The following GRAMD1C variants were observed in gnomAD, a reference collection of about 807,000 sequenced individuals.
The protein encoded by GRAMD1C is protein Aster-C.
In GRAMD1C, 89 loss-of-function variants were observed where a neutral mutation model predicts 97.8. That is an observed-to-expected ratio of 0.91 (90% CI 0.77 to 1.09). GRAMD1C has a LOEUF of 1.09. GRAMD1C is among the 50% of genes least tolerant of loss of function. The pLI is 0.00. For missense variants in GRAMD1C, 740 were observed against 766.4 expected, an observed-to-expected ratio of 0.97 and a Z score of 0.41; for synonymous variants, 256 against 267.0, an observed-to-expected ratio of 0.96 and a Z score of 0.40.
At chr3:113,942,030 C>A (rs181026950) in intron 17 of GRAMD1C, among the ~76,000 whole-genome samples, 2 of 151,778 alleles carry the variant, frequency 1.3e-5, no homozygotes, top group Non-Finnish European at 1.5e-5. Context: ...AACCTCCCAC[C>A]TCACCCTCCC....
chr3:113,944,913 G>T (rs766766255), intron 17 of GRAMD1C, among the ~76,000 whole-genome samples: 2 of 152,200 alleles, frequency 1.3e-5, no homozygotes, highest in Non-Finnish European at 2.9e-5. Flanking sequence ...ACAAAATTCA[G>T]TGTCAAAGTG....
intron 2 of GRAMD1C, among the ~76,000 whole-genome samples, chr3:113,855,774 G>C (rs1369169728): frequency 6.6e-6 from 1 of 152,080 alleles, no homozygotes; most frequent in South Asian, 2.1e-4. Flanking sequence ...CTCTGGAGAA[G>C]ATGTTAGTAA....
At position 113,885,962 on chromosome 3, in the gene GRAMD1C, T is replaced by G; in HGVS notation, c.540+3130T>G. On this transcript the variant is annotated intron_variant, in intron 6 of 17. Transcript: ENST00000358160. Reference sequence around the variant, plus strand: ...TTCTCAACCTGCTCCCGATGCTGGATGCCCTCAGGTTCACCGCTGACGTTC... The same window carrying G: ...TTCTCAACCTGCTCCCGATGCTGGAGGCCCTCAGGTTCACCGCTGACGTTC... 5 of 1,604,782 alleles carry G rather than the reference T, an allele frequency of 3.1e-6. No homozygotes were observed. In the South Asian group the frequency reaches 5.5e-5, roughly 18 times the overall value.
At chr3:113,870,069 G>A (rs1344133011) in intron 3 of GRAMD1C, among the ~76,000 whole-genome samples, 1 of 152,134 alleles carries the variant, frequency 6.6e-6, no homozygotes, top group Non-Finnish European at 1.5e-5. Context: ...CATGGAGATA[G>A]AGTAGAATGA....
intron 6 of GRAMD1C, among the ~76,000 whole-genome samples, chr3:113,892,697 A>G (rs1457155373): frequency 2.6e-5 from 4 of 152,182 alleles, no homozygotes; most frequent in African/African-American, 7.2e-5. Flanking sequence ...AGAGCATTGA[A>G]TATCTGGGAT....
intron 10 of GRAMD1C, among the ~76,000 whole-genome samples, chr3:113,922,377 CT>C (rs1346104571): frequency 6.6e-6 from 1 of 152,234 alleles, no homozygotes; most frequent in Non-Finnish European, 1.5e-5. Context: ...CCAGTCATTC[CT>C]AAATTTTCTT....
intron 4 of GRAMD1C, 109 bp from the exon 5 acceptor site, chr3:113,876,056 A>G (rs1935016708): frequency 1.6e-6 from 1 of 628,810 alleles, no homozygotes; most frequent in East Asian, 2.7e-5. Context: ...AACCTGAAGA[A>G]TATTCAACTG....
chr3:113,897,824 A>T (rs1180029140), intron 6 of GRAMD1C: 1 of 886,978 alleles, frequency 1.1e-6, no homozygotes, highest in African/African-American at 1.8e-5. Context: ...GTGGGTGGTC[A>T]GCTTGTGTTT....
At chr3:113,839,458 C>T (rs1709720588) in intron 1 of GRAMD1C, among the ~76,000 whole-genome samples, 1 of 152,202 alleles carries the variant, frequency 6.6e-6, no homozygotes, top group Admixed American at 6.5e-5. Context: ...TGGACGGGCG[C>T]CTGCGTTTCT....
At chr3:113,852,438 A>C (rs1165835137) in intron 2 of GRAMD1C, among the ~76,000 whole-genome samples, 1 of 152,232 alleles carries the variant, frequency 6.6e-6, no homozygotes, top group Non-Finnish European at 1.5e-5. Context: ...ATAAACCTAG[A>C]TATCTTTTAA....
rs1259609130 is a variant in GRAMD1C, at chr3:113,838,794, A to C, written c.-116A>C. The C allele has an allele frequency of 1.1e-5, 7 of 659,114 alleles. No homozygotes were observed. The highest frequency in any genetic ancestry group is 1.3e-5 in the Non-Finnish European group (6 of 469,144). The allele number at this position is 659,114 out of a possible 1,614,324, so 40.8% of individuals were successfully genotyped here. A position where few individuals can be genotyped will look rare whatever the true frequency, so the allele number is the denominator to read the frequency against. ...AGGAGCTGCGGCTGGAAGTACTCGG[A>C]GGGCCGGCGGAGGAGGCGCGCGGAG... On this transcript the variant is annotated 5_prime_UTR_variant, in exon 1 of 18. Transcript: ENST00000358160.
chr3:113,869,438 A>G (rs1021190525), intron 2 of GRAMD1C, 69 bp from the exon 3 acceptor site: 7 of 793,022 alleles, frequency 8.8e-6, no homozygotes, highest in East Asian at 2.5e-5. Flanking sequence ...TTTAAATTCC[A>G]CTTGATATTT....
intron 6 of GRAMD1C, among the ~76,000 whole-genome samples, chr3:113,895,105 G>A (rs1559800037): frequency 6.6e-6 from 1 of 152,122 alleles, no homozygotes; most frequent in Non-Finnish European, 1.5e-5. Context: ...GATCAATAGA[G>A]AACCATATGG....
chr3:113,906,373 G>A lies in GRAMD1C; in HGVS notation c.789+2101G>A, dbSNP rs1293713470. On this transcript the variant is annotated intron_variant, in intron 8 of 17. Coordinates refer to ENST00000358160, the MANE Select transcript of GRAMD1C (RefSeq NM_017577.5). ...TACAAAATGTGAAGGTGGAAGCAGT[G>A]ATATTCATGATCCTGATCCTGTGTA... is the stretch of plus-strand genomic sequence containing the variant. Among the ~76,000 whole-genome samples the A allele has an allele frequency of 3.3e-5, 5 of 152,194 alleles. No individual in the cohort carries two copies. In the East Asian group the frequency reaches 7.7e-4, roughly 23 times the overall value.
At chr3:113,884,136 A>G (rs899672055) in intron 6 of GRAMD1C, among the ~76,000 whole-genome samples, 1 of 152,222 alleles carries the variant, frequency 6.6e-6, no homozygotes, top group African/African-American at 2.4e-5. Flanking sequence ...ACTCCACCAA[A>G]CAGTAGCAGA....
At chr3:113,944,371 G>C (rs745628297) in intron 17 of GRAMD1C, among the ~76,000 whole-genome samples, 2 of 152,152 alleles carry the variant, frequency 1.3e-5, no homozygotes, top group Non-Finnish European at 2.9e-5. Flanking sequence ...GTTTGAACGT[G>C]AATTTTGAAG....
intron 2 of GRAMD1C, among the ~76,000 whole-genome samples, chr3:113,863,367 G>A (rs949608301): frequency 6.6e-6 from 1 of 152,140 alleles, no homozygotes; most frequent in Non-Finnish European, 1.5e-5. Flanking sequence ...ATCATTGATT[G>A]CACTATTGTG....
intron 8 of GRAMD1C, among the ~76,000 whole-genome samples, chr3:113,904,700 T>A (rs1936299071): frequency 1.3e-5 from 2 of 152,154 alleles, no homozygotes; most frequent in African/African-American, 2.4e-5. Context: ...CTGAGCAGCA[T>A]GCTTGAGTAA....
chr3:113,885,234 C>G (rs1935423525), intron 6 of GRAMD1C: 1 of 987,894 alleles, frequency 1.0e-6, no homozygotes, highest in Non-Finnish European at 1.5e-6. Flanking sequence ...GGGGGTTGCC[C>G]CCGGGGGGCT....
Sources: gnomAD v4.1 joint callset for allele counts (sites outside exome capture counted in the v4.1 genomes callset) on GRCh38, gnomAD v4.1.1 for gene constraint, MANE v1.5 for transcripts, NCBI Gene and HGNC (gene_info 2026-07-23, HGNC 2026-07-21) for gene names.